CEP152: variants seen among roughly 807,000 people sequenced by gnomAD.
CEP152 encodes centrosomal protein of 152 kDa.
In CEP152, 132 loss-of-function variants were observed where a neutral mutation model predicts 188.9. The ratio of observed to expected loss-of-function variants is 0.70; its 90% CI spans 0.61 to 0.81. The LOEUF is 0.81. CEP152 is among the 30% of genes least tolerant of loss of function. CEP152 has a pLI of 0.00. For missense variants in CEP152, 1,914 were observed against 1,969.8 expected (o/e 0.97, Z 0.54); for synonymous variants, 649 against 666.6 (o/e 0.97, Z 0.41).
Position 48,748,469 on chromosome 15 carries a change from T to C in CEP152, c.3608A>G (p.His1203Arg), listed in dbSNP as rs989399178. The change falls in exon 22 of 27, where the codon CAC becomes CGC. Residue 1203 changes from histidine to arginine, a missense_variant. Transcript: ENST00000380950. ...TCCAATTTTTTCCACTACAGCTTTG[T>C]GCTTCCTTTCTAAATGCTGAAGATG... is the stretch of plus-strand genomic sequence containing the variant. ...CRHLQHLERK[H>R]KAVVEKIGEE... 1 of 1,534,168 alleles carries C rather than the reference T, an allele frequency of 6.5e-7. No homozygotes were observed. Among genetic ancestry groups the C allele is most frequent in the Non-Finnish European group, 8.7e-7 (1 of 1,146,088 alleles).
At chr15:48,745,300 T>G in intron 22 of CEP152, among the ~76,000 whole-genome samples, 1 of 152,134 alleles carries the variant, frequency 6.6e-6, no homozygotes, top group East Asian at 1.9e-4. Flanking sequence ...CTACTAGGTT[T>G]TCTAATTCCA....
chr15:48,788,204 A>G (rs941161210), intron 9 of CEP152, among the ~76,000 whole-genome samples: 5 of 152,230 alleles, frequency 3.3e-5, no homozygotes, highest in African/African-American at 1.2e-4. Context: ...ACATACACAA[A>G]TACCCTACAA....
At chr15:48,791,520 G>C in intron 7 of CEP152, 144 bp from the exon 8 acceptor site, 2 of 747,578 alleles carry the variant, frequency 2.7e-6, no homozygotes, top group East Asian at 2.7e-5. Flanking sequence ...AGTTGATTTA[G>C]AGAAAACTAA....
chr15:48,805,252 A>G lies in CEP152; in HGVS notation c.87+311T>C, dbSNP rs184230151. 2.6e-3 allele frequency among the ~76,000 whole-genome samples: 400 copies of G among 152,342 alleles called. 1 individual carries two copies. Among genetic ancestry groups the G allele is most frequent in the Non-Finnish European group, 3.7e-3 (251 of 68,022 alleles). On this transcript the variant is annotated intron_variant, in intron 2 of 26. Transcript: ENST00000380950. ...GAGCCTTGTCAGACTTGTTCATGGC[A>G]ATGTTTCAAGCACCTAGAAACTAAC...
At position 48,762,590 on chromosome 15, in the gene CEP152, GTCT is replaced by G. The variant is rs1436563496; in HGVS notation, c.2360_2362del (p.Lys787del). On this transcript the variant is annotated inframe_deletion, in exon 18 of 27. Coordinates refer to ENST00000380950, the MANE Select transcript of CEP152 (RefSeq NM_001194998.2). Reference sequence around the variant, plus strand: ...GTCAGTTTGGCTGCCACAATCTAAGGTCTTCTTTTTCATTGCCTTTATAGTTTG... The same window carrying G: ...GTCAGTTTGGCTGCCACAATCTAAGGTCTTTTTCATTGCCTTTATAGTTTG... The G allele has an allele frequency of 1.9e-6, 3 of 1,613,806 alleles. No homozygotes were observed. In the African/African-American group the frequency reaches 4.0e-5, roughly 22 times the overall value.
chr15:48,748,744 T>G, intron 21 of CEP152, 134 bp from the exon 22 acceptor site: 1 of 974,624 alleles, frequency 1.0e-6, no homozygotes, highest in Non-Finnish European at 1.4e-6. Flanking sequence ...AAGAGTGTGA[T>G]GCTTAAGATA....
At chr15:48,735,356 C>G (rs1211126399), downstream of CEP152, among the ~76,000 whole-genome samples, 4 of 152,142 alleles carry the variant, frequency 2.6e-5, no homozygotes. Flanking sequence ...GCAACTTAAA[C>G]AGTGCTTAGA....
At chr15:48,798,352 T>C (rs1233118655) in intron 2 of CEP152, among the ~76,000 whole-genome samples, 1 of 151,968 alleles carries the variant, frequency 6.6e-6, no homozygotes, top group Admixed American at 6.6e-5. Flanking sequence ...GTCACAATAA[T>C]GGTACAATCA....
In CEP152 at chr15:48,797,733, C is replaced by T. The variant is rs1217110407; in HGVS notation, c.192-3G>A. The T allele has an allele frequency of 6.2e-6, 10 of 1,613,688 alleles. No homozygotes were observed. Among genetic ancestry groups the T allele is most frequent in the African/African-American group, 2.7e-5 (2 of 74,882 alleles). ...CCAATTGCTCAGGATGATGTGGTCT[C>T]GAGAAAAAGGAATACTTTCGATTTA... is the stretch of plus-strand genomic sequence containing the variant. On this transcript the variant is annotated splice_polypyrimidine_tract_variant and splice_region_variant and intron_variant, in intron 3 of 26. Transcript: ENST00000380950.
chr15:48,783,012 T>C (rs1385702065), intron 10 of CEP152, among the ~76,000 whole-genome samples: 3 of 152,340 alleles, frequency 2.0e-5, no homozygotes, highest in Middle Eastern at 3.4e-3. Context: ...TCTTTGACTT[T>C]AGTATTTTCA....
Position 48,797,286 on chromosome 15 carries a change from A to T in CEP152, c.540+15T>A, listed in dbSNP as rs762327306. The T allele has an allele frequency of 6.2e-7, 1 of 1,613,786 alleles. No individual in the cohort carries two copies. The highest frequency in any genetic ancestry group is 8.5e-7 in the Non-Finnish European group (1 of 1,179,860). ...GCACACACACAAGTTCTTGAAAGTC[A>T]AGTTTTTACAATACCTGAAAATGGT... On this transcript the variant is annotated intron_variant, in intron 5 of 26. Coordinates refer to ENST00000380950, the MANE Select transcript of CEP152 (RefSeq NM_001194998.2).
At chr15:48,797,260 T>G (rs747163222) in intron 5 of CEP152, 41 bp downstream of exon 5, 1 of 1,607,406 alleles carries the variant, frequency 6.2e-7, no homozygotes. Flanking sequence ...CAAATGCGTG[T>G]GCACACACAC....
chr15:48,803,479 C>G (rs973802369), intron 2 of CEP152, among the ~76,000 whole-genome samples: 2 of 152,148 alleles, frequency 1.3e-5, no homozygotes, highest in Non-Finnish European at 2.9e-5. Flanking sequence ...CTCACTTTTT[C>G]CCTTGCAGCA....
At chr15:48,781,385 A>T in intron 11 of CEP152, 26 bp from the exon 12 acceptor site, 6 of 1,553,216 alleles carry the variant, frequency 3.9e-6, no homozygotes, top group Non-Finnish European at 5.3e-6. Context: ...ATTAAAAATA[A>T]TTTTCACTAT....
intron 22 of CEP152, among the ~76,000 whole-genome samples, chr15:48,747,203 A>C (rs1413177778): frequency 1.3e-5 from 2 of 152,210 alleles, no homozygotes; most frequent in Non-Finnish European, 1.5e-5. Flanking sequence ...TAGAAGCATA[A>C]AGAGTCAGGG....
At chr15:48,756,673 G>C (rs1297761616) in intron 19 of CEP152, 120 bp from the exon 20 acceptor site, 3 of 898,906 alleles carry the variant, frequency 3.3e-6, no homozygotes, top group Non-Finnish European at 5.0e-6. Flanking sequence ...AAAATTAAAA[G>C]GAAACATGAT....
At chr15:48,778,553 T>C (rs1896059962) in intron 12 of CEP152, among the ~76,000 whole-genome samples, 1 of 152,218 alleles carries the variant, frequency 6.6e-6, no homozygotes, top group Admixed American at 6.5e-5. Flanking sequence ...CTAATCACAC[T>C]GTGCTTTATT....
At chr15:48,763,847 A>G in intron 17 of CEP152, among the ~76,000 whole-genome samples, 1 of 152,304 alleles carries the variant, frequency 6.6e-6, no homozygotes, top group African/African-American at 2.4e-5. Flanking sequence ...GGCTTCTGAG[A>G]CTGCCCATTA....
At chr15:48,774,645 C>G (rs1162612245) in intron 12 of CEP152, among the ~76,000 whole-genome samples, 1 of 152,116 alleles carries the variant, frequency 6.6e-6, no homozygotes, top group Non-Finnish European at 1.5e-5. Flanking sequence ...TGACTAAACC[C>G]GAAGGGATGC....
Sources: allele counts gnomAD v4.1 joint callset (sites outside exome capture counted in the v4.1 genomes callset), GRCh38; gene constraint gnomAD v4.1.1; transcripts MANE v1.5; gene names NCBI Gene and HGNC (gene_info 2026-07-23, HGNC 2026-07-21).